ZSCAN25: variants seen among roughly 807,000 people sequenced by gnomAD.
The protein encoded by ZSCAN25 is zinc finger and SCAN domain-containing protein 25.
Under a neutral mutation model 38.7 loss-of-function variants are expected in ZSCAN25, and 27 were observed. The ratio of observed to expected loss-of-function variants is 0.70; its 90% CI spans 0.51 to 0.96. The LOEUF (loss-of-function observed/expected upper bound fraction) is 0.96. Ranked by LOEUF, ZSCAN25 falls within the 40% of genes least tolerant of loss-of-function variation. The pLI is 0.00. For missense variants in ZSCAN25, 637 were observed against 705.9 expected, an observed-to-expected ratio of 0.90 and a Z score of 1.11; for synonymous variants, 273 against 277.7, an observed-to-expected ratio of 0.98 and a Z score of 0.17.
At chr7:99,697,038 T>C in the ZSCAN25 span, among the ~76,000 whole-genome samples, 1 of 152,236 alleles carries the variant, frequency 6.6e-6, no homozygotes, top group Admixed American at 6.5e-5. Context: ...GTAGGGCCTG[T>C]AGAACCATGA....
chr7:99,705,716 A>G, the ZSCAN25 span: 1 of 1,233,908 alleles, frequency 8.1e-7, no homozygotes. Flanking sequence ...AACTACTTTC[A>G]GCACTATAAA....
chr7:99,723,857 G>C, the ZSCAN25 span, among the ~76,000 whole-genome samples: 1 of 152,178 alleles, frequency 6.6e-6, no homozygotes, highest in Admixed American at 6.5e-5. Context: ...AAACTCTGGT[G>C]CCAGTCATGG....
the ZSCAN25 span, among the ~76,000 whole-genome samples, chr7:99,699,717 C>T: frequency 6.6e-5 from 10 of 152,138 alleles, no homozygotes; most frequent in Admixed American, 2.6e-4. Context: ...TCAAATCATT[C>T]CCACTAACAA....
chr7:99,701,351 C>G, the ZSCAN25 span, among the ~76,000 whole-genome samples: 1 of 152,222 alleles, frequency 6.6e-6, no homozygotes, highest in East Asian at 1.9e-4. Context: ...ACCCATTCAT[C>G]TGTTGATGGA....
chr7:99,678,222 C>T, the ZSCAN25 span, among the ~76,000 whole-genome samples: 3 of 152,190 alleles, frequency 2.0e-5, no homozygotes, highest in Non-Finnish European at 4.4e-5. Context: ...AGATGGTGCC[C>T]CTGTGTCCAG....
At chr7:99,723,718 C>T in the ZSCAN25 span, among the ~76,000 whole-genome samples, 8 of 152,272 alleles carry the variant, frequency 5.3e-5, no homozygotes, top group South Asian at 1.2e-3. Flanking sequence ...ATCGGGTAAG[C>T]GGCCTCTTTT....
downstream of ZSCAN25, among the ~76,000 whole-genome samples, chr7:99,633,365 T>A (rs1808136218): frequency 6.6e-6 from 1 of 152,210 alleles, no homozygotes; most frequent in Admixed American, 6.5e-5. Flanking sequence ...CTGTAAATGC[T>A]TCATCATTTA....
the ZSCAN25 span, among the ~76,000 whole-genome samples, chr7:99,690,604 AAAAC>A: frequency 3.3e-5 from 5 of 151,736 alleles, no homozygotes; most frequent in Non-Finnish European, 7.4e-5. Flanking sequence ...TTACAAGAAA[AAAAC>A]AACCCCATCA....
chr7:99,736,174 C>T, the ZSCAN25 span, among the ~76,000 whole-genome samples: 2 of 152,160 alleles, frequency 1.3e-5, no homozygotes, highest in Non-Finnish European at 2.9e-5. Context: ...CAAAGAGTGG[C>T]CCCTTCTCTC....
At chr7:99,651,551 A>C in the ZSCAN25 span, among the ~76,000 whole-genome samples, 1 of 152,194 alleles carries the variant, frequency 6.6e-6, no homozygotes, top group Non-Finnish European at 1.5e-5. Flanking sequence ...TACTCTGTGA[A>C]CAAGTATTAT....
the ZSCAN25 span, among the ~76,000 whole-genome samples, chr7:99,675,592 A>T: frequency 8.5e-5 from 10 of 117,196 alleles, no homozygotes; most frequent in South Asian, 3.2e-4. Context: ...GAGCCTACAC[A>T]CCTTTTCCTC....
chr7:99,731,987 T>C, the ZSCAN25 span, among the ~76,000 whole-genome samples: 6 of 152,218 alleles, frequency 3.9e-5, no homozygotes, highest in Non-Finnish European at 8.8e-5. Flanking sequence ...CAACTGGTGA[T>C]ATCCACCTGA....
the ZSCAN25 span, chr7:99,679,782 C>T: frequency 2.5e-6 from 4 of 1,597,434 alleles, no homozygotes; most frequent in Non-Finnish European, 3.4e-6. Context: ...GATTAGCACC[C>T]CAAGTCCAAG....
chr7:99,680,784 C>A, the ZSCAN25 span, among the ~76,000 whole-genome samples: 1 of 152,182 alleles, frequency 6.6e-6, no homozygotes, highest in African/African-American at 2.4e-5. Flanking sequence ...TAATAGAAAT[C>A]ATGTTCTGCC....
the ZSCAN25 span, among the ~76,000 whole-genome samples, chr7:99,651,980 A>G: frequency 1.5e-4 from 23 of 152,208 alleles, no homozygotes; most frequent in Non-Finnish European, 3.2e-4. Flanking sequence ...CTGCACTCTT[A>G]TAATTACTAC....
chr7:99,708,837 T>C, the ZSCAN25 span, among the ~76,000 whole-genome samples: 17 of 152,196 alleles, frequency 1.1e-4, no homozygotes, highest in African/African-American at 3.9e-4. Flanking sequence ...TTGCTGGGAC[T>C]GTGACTGGCT....
chr7:99,700,027 A>C, the ZSCAN25 span: 1 of 1,609,370 alleles, frequency 6.2e-7, no homozygotes, highest in South Asian at 1.1e-5. Context: ...ATTTGGGATG[A>C]GGTCCATCGC....
At chr7:99,710,992 GA>G in the ZSCAN25 span, 23 of 1,580,250 alleles carry the variant, frequency 1.5e-5, no homozygotes, top group East Asian at 5.1e-4. Context: ...ATCCCCAGGG[GA>G]AAAAATAGAA....
At chr7:99,718,421 A>G in the ZSCAN25 span, among the ~76,000 whole-genome samples, 22 of 152,208 alleles carry the variant, frequency 1.4e-4, no homozygotes, top group African/African-American at 4.8e-4. Context: ...CTGGCCTATC[A>G]AGCCAGCATG....
Sources: gnomAD v4.1 joint callset for allele counts (sites outside exome capture counted in the v4.1 genomes callset) on GRCh38, gnomAD v4.1.1 for gene constraint, MANE v1.5 for transcripts, NCBI Gene and HGNC (gene_info 2026-07-23, HGNC 2026-07-21) for gene names.